HLF: variants seen among roughly 807,000 people sequenced by gnomAD.
The protein encoded by HLF is HLF transcription factor, PAR bZIP family member.
A neutral mutation model predicts 22.6 loss-of-function variants in HLF; 3 were observed. That is an observed-to-expected ratio of 0.13 (90% CI 0.06 to 0.34). The LOEUF (loss-of-function observed/expected upper bound fraction) is 0.34, where lower values mean the gene tolerates loss of function less well. HLF is among the 10% of genes least tolerant of loss of function. The probability of loss-of-function intolerance (pLI) is 1.00; values close to 1 mark genes in which losing one functional copy is unlikely to be tolerated. For synonymous variants in HLF, 151 were observed against 151.8 expected (o/e 0.99, Z 0.04); for missense variants, 299 against 389.2 (o/e 0.77, Z 1.95).
intron 3 of HLF, among the ~76,000 whole-genome samples, chr17:55,317,474 AC>A (rs1243815124): frequency 6.6e-6 from 1 of 152,240 alleles, no homozygotes; most frequent in African/African-American, 2.4e-5. Flanking sequence ...AAGAGGCCAG[AC>A]AAAAACCGTC....
At chr17:55,310,183 G>C (rs1367512649) in intron 2 of HLF, among the ~76,000 whole-genome samples, 1 of 151,922 alleles carries the variant, frequency 6.6e-6, no homozygotes, top group Non-Finnish European at 1.5e-5. Context: ...ACCCTCCTTG[G>C]TTCTTCTGGA....
At chr17:55,290,858 A>G (rs1036977190) in intron 2 of HLF, among the ~76,000 whole-genome samples, 2 of 152,214 alleles carry the variant, frequency 1.3e-5, no homozygotes, top group African/African-American at 2.4e-5. Context: ...AGGAAATTCA[A>G]AGCACTACTC....
rs542306038 is a variant in HLF at position 55,267,627 on chromosome 17, C to G, written c.116-124C>G. The G allele has an allele frequency of 5.9e-4, 381 of 646,392 alleles. 4 individuals carry two copies. In the South Asian group the frequency reaches 7.8e-3, roughly 13 times the overall value. 40.0% of individuals were successfully genotyped at this position (646,392 alleles called of 1,614,324 possible). A position where few individuals can be genotyped will look rare whatever the true frequency, so the allele number is the denominator to read the frequency against. On this transcript the variant is annotated intron_variant, in intron 1 of 3. Coordinates refer to ENST00000226067, the MANE Select transcript of HLF (RefSeq NM_002126.5). ...ACTCTAGATCTACAAAAGACAGCAGCCAGAGAAGGACCCTGCCATTCGTGA... is the reference window on the plus strand; with the variant it reads ...ACTCTAGATCTACAAAAGACAGCAGGCAGAGAAGGACCCTGCCATTCGTGA...
intron 2 of HLF, among the ~76,000 whole-genome samples, chr17:55,273,299 C>T (rs1365901579): frequency 1.3e-5 from 2 of 152,114 alleles, no homozygotes; most frequent in African/African-American, 4.8e-5. Context: ...TAAATAAGAT[C>T]GCATGTGACA....
At chr17:55,282,055 A>G (rs927441940) in intron 2 of HLF, among the ~76,000 whole-genome samples, 1 of 152,186 alleles carries the variant, frequency 6.6e-6, no homozygotes, top group African/African-American at 2.4e-5. Flanking sequence ...CTGAGCCCCC[A>G]TTTCCTCATC....
At position 55,325,007 on chromosome 17, in the gene HLF, C is replaced by G. The variant is rs1194765177; in HGVS notation, c.*4128C>G. On this transcript the variant is annotated 3_prime_UTR_variant, in exon 4 of 4. Coordinates refer to ENST00000226067, the MANE Select transcript of HLF (RefSeq NM_002126.5). ...ATTGGTGGTATTTATGCTGTTAAGTCCAAACCTTTATCTGTCTGTTATTCT... is the reference window on the plus strand; with the variant it reads ...ATTGGTGGTATTTATGCTGTTAAGTGCAAACCTTTATCTGTCTGTTATTCT... 4.4e-6 allele frequency: 1 copy of G among 226,912 alleles called. No individual in the cohort carries two copies. Among genetic ancestry groups the G allele is most frequent in the African/African-American group, 2.2e-5 (1 of 44,900 alleles). 14.1% of individuals were successfully genotyped at this position (226,912 alleles called of 1,614,324 possible).
In HLF at chr17:55,268,058, G is replaced by A. The variant is rs377578509; in HGVS notation, c.423G>A (p.Pro141=). ...CCCTTCACCCTGGCATCCCATCTCC[G>A]AACTGTATGCAGAGCCCCATCAGAC... is the stretch of plus-strand genomic sequence containing the variant. ...SAPLHPGIPS[P]NCMQSPIRPG... The change falls in exon 2 of 4, where the codon CCG becomes CCA. Residue 141 remains proline (P), a synonymous_variant. Coordinates refer to ENST00000226067, the MANE Select transcript of HLF (RefSeq NM_002126.5). 1.4e-4 allele frequency: 224 copies of A among 1,588,260 alleles called. No individual in the cohort carries two copies. The highest frequency in any genetic ancestry group is 1.8e-4 in the Non-Finnish European group (210 of 1,167,526).
chr17:55,295,005 T>A (rs962035882), intron 2 of HLF, among the ~76,000 whole-genome samples: 6 of 152,190 alleles, frequency 3.9e-5, no homozygotes, highest in Admixed American at 3.9e-4. Flanking sequence ...TGGGTATTTT[T>A]AATCATTTAC....
chr17:55,302,495 G>GT (rs1377182753), intron 2 of HLF, among the ~76,000 whole-genome samples: 1 of 152,046 alleles, frequency 6.6e-6, no homozygotes, highest in Non-Finnish European at 1.5e-5. Context: ...GTTTTGTTTC[G>GT]TTTGGTTTTA....
chr17:55,267,348 C>T (rs2080801822), intron 1 of HLF, among the ~76,000 whole-genome samples: 1 of 152,176 alleles, frequency 6.6e-6, no homozygotes, highest in Non-Finnish European at 1.5e-5. Flanking sequence ...GTGATGAATT[C>T]CTGGAAGATA....
intron 3 of HLF, among the ~76,000 whole-genome samples, chr17:55,318,012 G>A (rs1371539014): frequency 5.3e-5 from 8 of 152,144 alleles, no homozygotes; most frequent in African/African-American, 1.2e-4. Flanking sequence ...TGGGAATACC[G>A]AGGTGAGCCA....
In HLF at chr17:55,267,774, G is replaced by A; in HGVS notation, c.139G>A (p.Glu47Lys). The A allele has an allele frequency of 6.3e-7, 1 of 1,589,402 alleles. No homozygotes were observed. The highest frequency in any genetic ancestry group is 1.3e-5 in the African/African-American group (1 of 74,146). Residue 47 changes from glutamate (E) to lysine (K), a missense_variant, in exon 2 of 4, where the codon GAA (glutamate) becomes AAA (lysine). By Grantham distance (56) the Glu-to-Lys change is moderately conservative. Around this residue, in one of 3 missense-constraint regions of HLF, gnomAD observed 72 missense variants for 74.0 expected, o/e 0.97. Coordinates refer to ENST00000226067, the MANE Select transcript of HLF (RefSeq NM_002126.5). ...AGCATTTAGTAAAGATAAAGACAAGGAAAAGAAGCTGGATGATGAGAGTAA... is the reference window on the plus strand; with the variant it reads ...AGCATTTAGTAAAGATAAAGACAAGAAAAAGAAGCTGGATGATGAGAGTAA... ...EDAFSKDKDK[E>K]KKLDDESNSP...
chr17:55,280,698 A>T (rs945792984), intron 2 of HLF, among the ~76,000 whole-genome samples: 3 of 152,092 alleles, frequency 2.0e-5, no homozygotes, highest in Non-Finnish European at 1.5e-5. Context: ...AGGCAGGATA[A>T]TGGGTTTTCA....
At chr17:55,271,022 C>G (rs910175624) in intron 2 of HLF, among the ~76,000 whole-genome samples, 1 of 152,172 alleles carries the variant, frequency 6.6e-6, no homozygotes, top group African/African-American at 2.4e-5. Flanking sequence ...AGTAGGACCC[C>G]CAGTGCCCCA....
At chr17:55,279,879 A>G (rs907810216) in intron 2 of HLF, among the ~76,000 whole-genome samples, 9 of 152,076 alleles carry the variant, frequency 5.9e-5, no homozygotes, top group Admixed American at 5.9e-4. Context: ...TTAAATTTTC[A>G]TATAAGTATA....
intron 2 of HLF, chr17:55,272,309 GA>G (rs1445440152): frequency 2.2e-4 from 34 of 152,388 alleles, no homozygotes; most frequent in African/African-American, 8.2e-4. Flanking sequence ...TCCCTTTAGG[GA>G]AAGTCATCTA....
chr17:55,278,540 G>GGGAAAA (rs56181642), intron 2 of HLF, among the ~76,000 whole-genome samples: 109,609 of 151,362 alleles, frequency 0.72, 39,828 homozygotes, highest in Middle Eastern at 0.77. Context: ...TGATTTGAGT[G>GGGAAAA]GCGAAGGTTT....
intron 2 of HLF, chr17:55,272,528 A>C (rs1341196004): frequency 6.7e-6 from 1 of 149,218 alleles, no homozygotes; most frequent in Non-Finnish European, 1.5e-5. Flanking sequence ...TAAAGTGAAA[A>C]CCCTTCCATG....
intron 2 of HLF, among the ~76,000 whole-genome samples, chr17:55,278,955 C>G (rs994708528): frequency 3.9e-5 from 6 of 152,102 alleles, no homozygotes; most frequent in Non-Finnish European, 7.4e-5. Context: ...GGAAATAAAG[C>G]CTTGAAAGAG....
Sources: gnomAD v4.1 joint callset for allele counts (sites outside exome capture counted in the v4.1 genomes callset) on GRCh38, gnomAD v4.1.1 for gene constraint, gnomAD v4.1.1 regional missense constraint, MANE v1.5 for transcripts, NCBI Gene and HGNC (gene_info 2026-07-23, HGNC 2026-07-21) for gene names.